Variants in EMC4 observed in about 807,000 individuals in gnomAD.
The protein encoded by EMC4 is cell proliferation-inducing gene 17 protein.
Under a neutral mutation model 24.2 loss-of-function variants are expected in EMC4, and 9 were observed. That is an observed-to-expected ratio of 0.37 (90% CI 0.22 to 0.65). The LOEUF (loss-of-function observed/expected upper bound fraction) is 0.65. Among genes scored for constraint, EMC4 ranks in the 30% least tolerant of loss-of-function variants. The probability of loss-of-function intolerance (pLI) is 0.59; values close to 1 mark genes in which losing one functional copy is unlikely to be tolerated. For synonymous variants in EMC4, 86 were observed against 81.1 expected (o/e 1.06, Z -0.32); for missense variants, 169 against 234.6 (o/e 0.72, Z 1.83).
chr15:34,225,365 G>A, intron 1 of EMC4, 165 bp downstream of exon 1: 1 of 773,728 alleles, frequency 1.3e-6, no homozygotes, highest in Non-Finnish European at 2.1e-6. Flanking sequence ...CTCAAACAAT[G>A]CTTACATCAG....
intron 3 of EMC4, 91 bp from the exon 4 acceptor site, chr15:34,228,338 G>A: frequency 7.4e-7 from 1 of 1,359,590 alleles, no homozygotes; most frequent in Middle Eastern, 2.4e-4. Context: ...TCTTACTATG[G>A]GTCTGTCTAT....
intron 4 of EMC4, chr15:34,229,151 GATT>G (rs1890756535): frequency 6.6e-6 from 1 of 152,488 alleles, no homozygotes; most frequent in Non-Finnish European, 1.5e-5. Context: ...AGGTTCAAGC[GATT>G]CTTGTGCCTG....
Position 34,225,121 on chromosome 15 carries a change from G to GC in EMC4, c.10dup (p.Gln4ProfsTer7). On this transcript the variant is annotated frameshift_variant, in exon 1 of 5. Transcript: ENST00000267750. LOFTEE classifies it high-confidence loss of function. ...ATAGGACGCAGCTGTTGCCATGACG[G>GC]CCCAGGGGGGCCTGGTGGCTAACCG... 1.9e-6 allele frequency: 3 copies of GC among 1,551,690 alleles called. No homozygotes were observed. Among genetic ancestry groups the GC allele is most frequent in the Non-Finnish European group, 2.6e-6 (3 of 1,146,966 alleles).
chr15:34,225,458 CTA>C, intron 1 of EMC4, 76 bp from the exon 2 acceptor site: 1 of 1,134,204 alleles, frequency 8.8e-7, no homozygotes, highest in Non-Finnish European at 1.3e-6. Flanking sequence ...ATCTTTATTC[CTA>C]TGATTGGTAG....
intron 1 of EMC4, 130 bp from the exon 2 acceptor site, chr15:34,225,406 A>T: frequency 2.4e-6 from 2 of 832,908 alleles, no homozygotes; most frequent in East Asian, 2.4e-5. Context: ...ACTGAGGAAC[A>T]TACGAGGGGG....
In EMC4 at chr15:34,227,474, T is replaced by C. The variant is rs985736897; in HGVS notation, c.202-219T>C. On this transcript the variant is annotated intron_variant, in intron 2 of 4. Transcript: ENST00000267750. ...AGAAAAAAATGACATCTGGAAAACCTATAGGGAAAGGCATAACAGATGGTA... is the reference window on the plus strand; with the variant it reads ...AGAAAAAAATGACATCTGGAAAACCCATAGGGAAAGGCATAACAGATGGTA... 3.2e-5 allele frequency: 14 copies of C among 433,822 alleles called. No homozygotes were observed. In the South Asian group the frequency reaches 5.2e-4, roughly 16 times the overall value. 26.9% of individuals were successfully genotyped at this position (433,822 alleles called of 1,614,324 possible).
rs554120701 is a variant in EMC4 at position 34,228,343 on chromosome 15, G to A, written c.356-86G>A. The A allele has an allele frequency of 2.1e-6, 3 of 1,420,740 alleles. No individual in the cohort carries two copies. The African/African-American group carries it at 4.2e-5, about 20-fold the overall frequency. 88.0% of individuals were successfully genotyped at this position (1,420,740 alleles called of 1,614,324 possible). On this transcript the variant is annotated intron_variant, in intron 3 of 4. Transcript: ENST00000267750. ...CTATTTGCTGTCTTACTATGGGTCT[G>A]TCTATATGAATTTAATATACAGTTG...
chr15:34,227,402 C>T (rs1393486156), intron 2 of EMC4: 1 of 272,110 alleles, frequency 3.7e-6, no homozygotes, highest in African/African-American at 2.1e-5. Flanking sequence ...TTGATAGATA[C>T]ATAAGTACCA....
intron 3 of EMC4, chr15:34,228,137 C>T (rs548615911): frequency 4.2e-5 from 19 of 453,806 alleles, no homozygotes; most frequent in Admixed American, 1.4e-4. Flanking sequence ...GAGCCGAGAT[C>T]GTGCCACTGC....
rs771223215 is a variant in EMC4, at chr15:34,225,018, A to T, written c.-97A>T. 22 of 1,037,830 alleles carry T rather than the reference A, an allele frequency of 2.1e-5. No individual in the cohort carries two copies. Among genetic ancestry groups the T allele is most frequent in the African/African-American group, 4.7e-5 (3 of 63,266 alleles). The allele number at this position is 1,037,830 out of a possible 1,614,324, so 64.3% of individuals were successfully genotyped here. On this transcript the variant is annotated 5_prime_UTR_variant, in exon 1 of 5. Transcript: ENST00000267750. ...CGTCGTATTCACGCGCCGGAAGTGC[A>T]TTTGCAGAGTGAGACAAAGCGGAGA... is the stretch of plus-strand genomic sequence containing the variant.
chr15:34,226,864 G>A (rs1890663368), intron 2 of EMC4: 1 of 152,118 alleles, frequency 6.6e-6, no homozygotes, highest in Admixed American at 6.6e-5. Context: ...TACTTTTAAT[G>A]GCAACAACCG....
intron 3 of EMC4, 153 bp from the exon 4 acceptor site, chr15:34,228,276 A>G: frequency 1.5e-6 from 1 of 689,332 alleles, no homozygotes; most frequent in South Asian, 1.9e-5. Context: ...CATGGAGGGG[A>G]GTGTAGTGCT....
chr15:34,229,572 A>G (rs529882942), intron 4 of EMC4, 181 bp from the exon 5 acceptor site: 102 of 558,366 alleles, frequency 1.8e-4, no homozygotes, highest in African/African-American at 1.6e-3. Context: ...GGCTCAAGCG[A>G]TCTGCCTGCC....
chr15:34,228,565 G>T lies in EMC4; in HGVS notation c.492G>T (p.Trp164Cys). 2.5e-6 allele frequency: 4 copies of T among 1,613,638 alleles called. No individual in the cohort carries two copies. The highest frequency in any genetic ancestry group is 2.5e-6 in the Non-Finnish European group (3 of 1,179,922). The change falls in exon 4 of 5, where the codon TGG becomes TGT. Residue 164 changes from tryptophan (W) to cysteine (C), a missense_variant. Trp to Cys is a radical substitution (Grantham distance 215). Transcript: ENST00000267750. ...MGLLPTHASD[W>C]LAFIEPPERM... ...TGTTACCTACACATGCATCGGATTGGTTAGCCTTCATTGAGCCCCCTGAGG... is the reference window on the plus strand; with the variant it reads ...TGTTACCTACACATGCATCGGATTGTTTAGCCTTCATTGAGCCCCCTGAGG...
Position 34,225,045 on chromosome 15 carries a change from C to A in EMC4, c.-70C>A, listed in dbSNP as rs547467605. On this transcript the variant is annotated 5_prime_UTR_variant, in exon 1 of 5. Transcript: ENST00000267750. ...TTGCAGAGTGAGACAAAGCGGAGAA[C>A]GCTGGTGGGCCTGTTGTGGAGTACG... 1.8e-4 allele frequency: 226 copies of A among 1,279,906 alleles called. No individual in the cohort carries two copies. Among genetic ancestry groups the A allele is most frequent in the Non-Finnish European group, 2.2e-4 (197 of 899,450 alleles). 79.3% of individuals were successfully genotyped at this position (1,279,906 alleles called of 1,614,324 possible). A position where few individuals can be genotyped will look rare whatever the true frequency, so the allele number is the denominator to read the frequency against.
intron 1 of EMC4, 120 bp from the exon 2 acceptor site, chr15:34,225,416 G>C: frequency 2.3e-6 from 2 of 854,996 alleles, no homozygotes; most frequent in Non-Finnish European, 3.9e-6. Context: ...ATACGAGGGG[G>C]CTTGGTCTAA....
chr15:34,228,682 G>GT (rs1890726944), intron 4 of EMC4, 93 bp downstream of exon 4: 33 of 567,438 alleles, frequency 5.8e-5, no homozygotes, highest in Admixed American at 1.5e-4. Flanking sequence ...TGGTATTTGA[G>GT]TTTCTTTTTT....
At chr15:34,228,186 A>C in intron 3 of EMC4, 1 of 509,572 alleles carries the variant, frequency 2.0e-6, no homozygotes, top group Non-Finnish European at 3.5e-6. Context: ...CCATCTCAAA[A>C]AAAAGGAAGA....
At chr15:34,227,616 G>T (rs1003461100) in intron 2 of EMC4, 77 bp from the exon 3 acceptor site, 1 of 1,484,710 alleles carries the variant, frequency 6.7e-7, no homozygotes, top group South Asian at 1.2e-5. Context: ...CCGTTCATGT[G>T]ATTTAGCATC....
Sources: allele counts gnomAD v4.1 joint callset, GRCh38; gene constraint gnomAD v4.1.1; transcripts MANE v1.5; gene names NCBI Gene and HGNC (gene_info 2026-07-23, HGNC 2026-07-21).